The following EMB variants were observed in gnomAD, a reference collection of about 807,000 sequenced individuals.
The protein encoded by EMB is embigin.
EMB carries 31 observed loss-of-function variants against 41.4 expected under a neutral mutation model. That is an observed-to-expected ratio of 0.75 (90% CI 0.56 to 1.01). The LOEUF is 1.01. Ranked by LOEUF, EMB falls within the 50% of genes least tolerant of loss-of-function variation. The pLI is 0.00. For synonymous variants in EMB, 137 were observed against 140.4 expected, an observed-to-expected ratio of 0.98 and a Z score of 0.17; for missense variants, 379 against 388.3, an observed-to-expected ratio of 0.98 and a Z score of 0.20.
chr5:50,420,986 A>T (rs1182106139), intron 2 of EMB, among the ~76,000 whole-genome samples: 2 of 152,162 alleles, frequency 1.3e-5, no homozygotes, highest in East Asian at 3.8e-4. Context: ...GCTATATGTG[A>T]TATAGAGGGG....
At chr5:50,423,704 G>A (rs932321827) in intron 2 of EMB, among the ~76,000 whole-genome samples, 1 of 152,080 alleles carries the variant, frequency 6.6e-6, no homozygotes, top group Non-Finnish European at 1.5e-5. Context: ...TCATTTTTGT[G>A]TTATTTCTCA....
intron 7 of EMB, among the ~76,000 whole-genome samples, chr5:50,401,822 G>A (rs1745167102): frequency 6.6e-6 from 1 of 151,902 alleles, no homozygotes; most frequent in Non-Finnish European, 1.5e-5. Context: ...CCCAACCCAA[G>A]AGGTTCTGAT....
chr5:50,427,381 G>C (rs1745629409), intron 2 of EMB, among the ~76,000 whole-genome samples: 1 of 151,958 alleles, frequency 6.6e-6, no homozygotes, highest in South Asian at 2.1e-4. Context: ...AGGCACTAGA[G>C]CAACAACCTA....
intron 2 of EMB, chr5:50,411,647 G>C (rs1172815743): frequency 2.3e-5 from 5 of 221,344 alleles, no homozygotes; most frequent in Admixed American, 5.9e-5. Context: ...TCTATACTGA[G>C]CAGAATATAG....
At chr5:50,433,593 C>A (rs1745759263) in intron 1 of EMB, among the ~76,000 whole-genome samples, 1 of 152,202 alleles carries the variant, frequency 6.6e-6, no homozygotes, top group African/African-American at 2.4e-5. Flanking sequence ...TGGCTCTCAA[C>A]TGAGGGTAGT....
chr5:50,428,009 A>G lies in EMB; in HGVS notation c.196+135T>C, dbSNP rs1745648309. ...CCTCACCACATTAGATTCCCAGCTC[A>G]CTACTGGTATGTTTTCCCACCAGGC... On this transcript the variant is annotated intron_variant, in intron 2 of 8. Coordinates refer to ENST00000303221, the MANE Select transcript of EMB (RefSeq NM_198449.3). The G allele has an allele frequency of 1.2e-5, 7 of 596,960 alleles. No homozygotes were observed. In the East Asian group the frequency reaches 2.0e-4, roughly 17 times the overall value. The allele number at this position is 596,960 out of a possible 1,614,324, so 37.0% of individuals were successfully genotyped here. A position where few individuals can be genotyped will look rare whatever the true frequency, so the allele number is the denominator to read the frequency against.
At position 50,411,188 on chromosome 5, in the gene EMB, T is replaced by C; in HGVS notation, c.383+9A>G. The C allele has an allele frequency of 4.4e-6, 7 of 1,579,262 alleles. No individual in the cohort carries two copies. The highest frequency in any genetic ancestry group is 6.0e-6 in the Non-Finnish European group (7 of 1,162,458). ...GGTGAGCAAGGTAGGTTAAAATTTG[T>C]ATACTCACCTGTATTGGGTATACAA... On this transcript the variant is annotated intron_variant, in intron 3 of 8. Coordinates refer to ENST00000303221, the MANE Select transcript of EMB (RefSeq NM_198449.3).
chr5:50,431,788 T>C (rs1040377178), intron 1 of EMB, among the ~76,000 whole-genome samples: 1 of 152,158 alleles, frequency 6.6e-6, no homozygotes, highest in South Asian at 2.1e-4. Context: ...AAGAGTAACA[T>C]CAAATAGTTG....
chr5:50,401,479 T>C (rs138321662), intron 7 of EMB, among the ~76,000 whole-genome samples: 182 of 152,120 alleles, frequency 1.2e-3, no homozygotes, highest in African/African-American at 4.3e-3. Flanking sequence ...GCAACTTTAA[T>C]CTAGCCTCGT....
At chr5:50,402,216 A>G (rs1745174145) in intron 7 of EMB, 70 bp downstream of exon 7, 14 of 1,510,614 alleles carry the variant, frequency 9.3e-6, no homozygotes, top group Non-Finnish European at 1.3e-5. Context: ...AACTGCAAAC[A>G]TTTCATTCAA....
At chr5:50,428,022 T>C (rs1745648586) in intron 2 of EMB, 122 bp downstream of exon 2, 1 of 654,236 alleles carries the variant, frequency 1.5e-6, no homozygotes, top group South Asian at 2.0e-5. Flanking sequence ...ACTGGTATGT[T>C]TTCCCACCAG....
intron 5 of EMB, among the ~76,000 whole-genome samples, chr5:50,404,158 T>C (rs1219465822): frequency 6.6e-6 from 1 of 152,008 alleles, no homozygotes; most frequent in Non-Finnish European, 1.5e-5. Flanking sequence ...TTAAATTTTA[T>C]TCCCAAGCCA....
In EMB at chr5:50,405,994, T is replaced by C. The variant is rs1157468293; in HGVS notation, c.473-142A>G. Reference sequence around the variant, plus strand: ...GTTATATATCAATGAAACTAATTTATAGTAGTTAGGGTGTAGTTAGTAGTA... The same window carrying C: ...GTTATATATCAATGAAACTAATTTACAGTAGTTAGGGTGTAGTTAGTAGTA... On this transcript the variant is annotated intron_variant, in intron 4 of 8. Transcript: ENST00000303221. 7 of 1,226,292 alleles carry C rather than the reference T, an allele frequency of 5.7e-6. No individual in the cohort carries two copies. The East Asian group carries it at 1.4e-4, about 25-fold the overall frequency. 76.0% of individuals were successfully genotyped at this position (1,226,292 alleles called of 1,614,324 possible).
chr5:50,425,013 G>A (rs891632050), intron 2 of EMB, among the ~76,000 whole-genome samples: 4 of 152,088 alleles, frequency 2.6e-5, no homozygotes, highest in African/African-American at 9.7e-5. Flanking sequence ...TGCATCAACA[G>A]TCTACATATC....
At chr5:50,428,327 T>C in intron 1 of EMB, 100 bp from the exon 2 acceptor site, 2 of 1,255,830 alleles carry the variant, frequency 1.6e-6, no homozygotes, top group Non-Finnish European at 2.2e-6. Context: ...GAACTATTAA[T>C]GAAAAACTGT....
At chr5:50,424,419 G>A (rs1745577708) in intron 2 of EMB, among the ~76,000 whole-genome samples, 1 of 152,098 alleles carries the variant, frequency 6.6e-6, no homozygotes, top group Non-Finnish European at 1.5e-5. Context: ...TATTGAAGAT[G>A]GGATCTTGAC....
rs751435274 is a variant in EMB, at chr5:50,403,417, T to C, written c.638A>G (p.Asn213Ser). Residue 213 changes from asparagine to serine, a missense_variant, in exon 6 of 9, where the codon AAT becomes AGT. Physicochemically the swap from Asn to Ser is conservative, Grantham distance 46. Transcript: ENST00000303221. The part of the protein sequence containing the change: ...VGVQMNKYVI[N>S]GTYANETKLK... ...CTTTGTTTCGTTAGCATATGTTCCATTGATCACATATTTATTCATTTGAAC... is the reference window on the plus strand; with the variant it reads ...CTTTGTTTCGTTAGCATATGTTCCACTGATCACATATTTATTCATTTGAAC... 6.8e-6 allele frequency: 11 copies of C among 1,612,426 alleles called. No homozygotes were observed. Among genetic ancestry groups the C allele is most frequent in the East Asian group, 6.7e-5 (3 of 44,826 alleles).
At chr5:50,415,518 T>G (rs903552984) in intron 2 of EMB, among the ~76,000 whole-genome samples, 1 of 152,184 alleles carries the variant, frequency 6.6e-6, no homozygotes, top group African/African-American at 2.4e-5. Context: ...ATTATCTCAC[T>G]GGGGAATATT....
intron 1 of EMB, chr5:50,428,621 C>A (rs1239427642): frequency 2.3e-5 from 23 of 986,688 alleles, no homozygotes; most frequent in Non-Finnish European, 2.8e-5. Flanking sequence ...GAGCGACAGG[C>A]AGACCTTAAT....
Sources: gnomAD v4.1 joint callset for allele counts (sites outside exome capture counted in the v4.1 genomes callset) on GRCh38, gnomAD v4.1.1 for gene constraint, MANE v1.5 for transcripts, NCBI Gene and HGNC (gene_info 2026-07-23, HGNC 2026-07-21) for gene names.